Variants in NINJ2 observed in about 807,000 individuals in gnomAD.
NINJ2 encodes ninjurin 2, also known as ninjurin-2.
A neutral mutation model predicts 11.7 loss-of-function variants in NINJ2; 12 were observed. That is an observed-to-expected ratio of 1.02 (90% confidence interval 0.66 to 1.66). The LOEUF is 1.66. NINJ2 is among the 40% of genes most tolerant of loss of function. The pLI is 0.00. For missense variants in NINJ2, 187 were observed against 181.8 expected, an observed-to-expected ratio of 1.03 and a Z score of -0.16; for synonymous variants, 93 against 76.8, an observed-to-expected ratio of 1.21 and a Z score of -1.10.
chr12:594,275 A>C (rs12314074), intron 1 of NINJ2, among the ~76,000 whole-genome samples: 13,851 of 152,262 alleles, frequency 0.091, 850 homozygotes, highest in African/African-American at 0.18. Flanking sequence ...GGTTAATATA[A>C]AAAAGTCCAT....
intron 1 of NINJ2, among the ~76,000 whole-genome samples, chr12:652,065 G>T (rs1209273168): frequency 6.6e-6 from 1 of 152,090 alleles, no homozygotes; most frequent in Non-Finnish European, 1.5e-5. Context: ...TCAAATTAAT[G>T]CTAGATGCCA....
chr12:641,427 G>A (rs1161428461), intron 1 of NINJ2, among the ~76,000 whole-genome samples: 1 of 152,158 alleles, frequency 6.6e-6, no homozygotes, highest in African/African-American at 2.4e-5. Context: ...TTCTCCCCAG[G>A]GTGAAAGGCG....
At chr12:649,873 G>A (rs1403212472) in intron 1 of NINJ2, among the ~76,000 whole-genome samples, 1 of 151,942 alleles carries the variant, frequency 6.6e-6, no homozygotes, top group African/African-American at 2.4e-5. Flanking sequence ...CCTAACATAT[G>A]ATTAGCATTT....
intron 1 of NINJ2, among the ~76,000 whole-genome samples, chr12:619,070 T>C (rs149213140): frequency 2.3e-4 from 35 of 152,174 alleles, no homozygotes; most frequent in African/African-American, 8.2e-4. Flanking sequence ...GGAGAAATAG[T>C]TGGGGAGTGA....
rs928834038 is a variant in NINJ2, at chr12:638,456, C to T, written c.33+24872G>A. ...TTTGAGACGGAGTCTCGCTCTGTCA[C>T]CCAGGCTGGAGTGCAGTGGCGCAAT... On this transcript the variant is annotated intron_variant, in intron 1 of 3. Transcript: ENST00000305108. 1.2e-4 allele frequency among the ~76,000 whole-genome samples: 18 copies of T among 152,200 alleles called. No homozygotes were observed. The East Asian group carries it at 2.9e-3, about 24-fold the overall frequency.
chr12:609,770 CA>C (rs1185755822), intron 1 of NINJ2, among the ~76,000 whole-genome samples: 6,216 of 88,746 alleles, frequency 0.07, 283 homozygotes, highest in Non-Finnish European at 0.091. Context: ...GACTCTGCCT[CA>C]AAAAAAAAAA....
chr12:623,456 A>T (rs1440272436), intron 1 of NINJ2, among the ~76,000 whole-genome samples: 1 of 152,216 alleles, frequency 6.6e-6, no homozygotes, highest in East Asian at 1.9e-4. Flanking sequence ...TGAATGTACC[A>T]GCCAAAATCA....
chr12:576,397 G>A (rs772250298), intron 1 of NINJ2, among the ~76,000 whole-genome samples: 25 of 152,386 alleles, frequency 1.6e-4, no homozygotes, highest in Middle Eastern at 3.4e-3. Context: ...ACAAAAGGGG[G>A]CCATAAATTA....
intron 1 of NINJ2, among the ~76,000 whole-genome samples, chr12:659,948 A>G (rs573788793): frequency 8.5e-5 from 13 of 152,240 alleles, no homozygotes; most frequent in South Asian, 6.2e-4. Context: ...AAAGGTGTCA[A>G]AAAACTTCCT....
chr12:570,152 C>T (rs1373010677), intron 1 of NINJ2, among the ~76,000 whole-genome samples: 1 of 152,190 alleles, frequency 6.6e-6, no homozygotes, highest in Non-Finnish European at 1.5e-5. Context: ...ATGGAGCCAG[C>T]GTGGGGTGGG....
At chr12:598,788 T>C (rs867220567) in intron 1 of NINJ2, among the ~76,000 whole-genome samples, 5 of 152,054 alleles carry the variant, frequency 3.3e-5, no homozygotes, top group African/African-American at 1.2e-4. Context: ...GAGCCCCGAC[T>C]TCCTGGGCTC....
chr12:611,606 G>T (rs1371278693), intron 1 of NINJ2, among the ~76,000 whole-genome samples: 1 of 152,260 alleles, frequency 6.6e-6, no homozygotes, highest in African/African-American at 2.4e-5. Context: ...CCAAAGTTGG[G>T]ATTATAGGCA....
chr12:567,330 T>G (rs535526015), intron 1 of NINJ2, among the ~76,000 whole-genome samples: 1 of 152,178 alleles, frequency 6.6e-6, no homozygotes, highest in East Asian at 1.9e-4. Flanking sequence ...TGGGGACAGA[T>G]GGATGGATAG....
At chr12:653,018 C>CTTTTTTT (rs377056940) in intron 1 of NINJ2, among the ~76,000 whole-genome samples, 7 of 96,218 alleles carry the variant, frequency 7.3e-5, no homozygotes, top group Admixed American at 4.2e-4. Context: ...TATTTTGTTT[C>CTTTTTTT]TTTTTTTTTT....
intron 1 of NINJ2, among the ~76,000 whole-genome samples, chr12:636,830 A>G (rs1359958576): frequency 3.3e-5 from 5 of 152,222 alleles, no homozygotes; most frequent in African/African-American, 1.2e-4. Flanking sequence ...TGTGGAAAAC[A>G]GCTTGGCAGT....
At chr12:577,433 A>ATATATATG (rs1592072973) in intron 1 of NINJ2, among the ~76,000 whole-genome samples, 2 of 139,992 alleles carry the variant, frequency 1.4e-5, no homozygotes, top group African/African-American at 2.6e-5. Flanking sequence ...ATATATACAT[A>ATATATATG]TATATATATA....
chr12:661,059 C>T (rs187676347), intron 1 of NINJ2, among the ~76,000 whole-genome samples: 2 of 147,036 alleles, frequency 1.4e-5, no homozygotes, highest in Non-Finnish European at 1.5e-5. Context: ...TTTGGGGAAA[C>T]ATTGTTTTAA....
At chr12:652,764 A>G (rs907932947) in intron 1 of NINJ2, among the ~76,000 whole-genome samples, 12 of 151,846 alleles carry the variant, frequency 7.9e-5, no homozygotes, top group African/African-American at 2.7e-4. Context: ...CCTGGCCAAT[A>G]TAGTGAAACC....
rs114200575 is a variant in NINJ2, at chr12:575,566, C to G, written c.34-9388G>C. Among the ~76,000 whole-genome samples, 643 of 152,274 alleles carry G rather than the reference C, an allele frequency of 4.2e-3. 10 individuals carry two copies. Among genetic ancestry groups the G allele is most frequent in the African/African-American group, 0.015 (625 of 41,564 alleles). On this transcript the variant is annotated intron_variant, in intron 1 of 3. Transcript: ENST00000305108. ...TGAAAGAAGGTCGCCTGCTCCCTGG[C>G]CTGTGCTGGCCTTGGGCGTTGTTGA...
Sources: allele counts gnomAD v4.1 joint callset (sites outside exome capture counted in the v4.1 genomes callset), GRCh38; gene constraint gnomAD v4.1.1; transcripts MANE v1.5; gene names NCBI Gene and HGNC (gene_info 2026-07-23, HGNC 2026-07-21).